The following RPL3 variants were observed in gnomAD, a reference collection of about 807,000 sequenced individuals.
RPL3 encodes the protein large ribosomal subunit protein uL3.
In RPL3, 3 loss-of-function variants were observed where a neutral mutation model predicts 46.0. The observed-to-expected ratio is 0.07, with a 90% CI of 0.03 to 0.17. The LOEUF is 0.17. Among genes scored for constraint, RPL3 ranks in the 10% least tolerant of loss-of-function variants. RPL3 has a pLI of 1.00. For missense variants in RPL3, 387 were observed against 532.7 expected, an observed-to-expected ratio of 0.73 and a Z score of 2.69; for synonymous variants, 224 against 190.8, an observed-to-expected ratio of 1.17 and a Z score of -1.43.
At chr22:39,313,112 C>T in intron 9 of RPL3, 79 bp downstream of exon 9, 1 of 1,598,144 alleles carries the variant, frequency 6.3e-7, no homozygotes, top group Non-Finnish European at 8.5e-7. Flanking sequence ...TCAAGACCAC[C>T]CCTACCCCGG....
At chr22:39,318,933 G>C in intron 1 of RPL3, 1 of 502,786 alleles carries the variant, frequency 2.0e-6, no homozygotes, top group South Asian at 1.5e-5. Context: ...GACCGCTAAA[G>C]AAAGGGACTC....
At chr22:39,314,652 T>TCCCACC (rs1922564849) in intron 6 of RPL3, 34 bp downstream of exon 6, 4 of 1,591,716 alleles carry the variant, frequency 2.5e-6, no homozygotes, top group Non-Finnish European at 3.4e-6. Flanking sequence ...GGGGGCCTCT[T>TCCCACC]CCCACCCCCA....
intron 6 of RPL3, 197 bp downstream of exon 6, chr22:39,314,488 GC>G: frequency 3.0e-6 from 2 of 666,138 alleles, no homozygotes. Context: ...ACACCAGTCA[GC>G]CCCACCACAG....
intron 7 of RPL3, 72 bp from the exon 8 acceptor site, chr22:39,313,801 G>A (rs749273477): frequency 7.3e-7 from 1 of 1,365,640 alleles, no homozygotes; most frequent in Non-Finnish European, 1.0e-6. Flanking sequence ...CCAGGTTCAG[G>A]CCCTCCCTGA....
intron 5 of RPL3, 120 bp downstream of exon 5, chr22:39,315,249 A>T: frequency 1.5e-6 from 2 of 1,354,854 alleles, no homozygotes; most frequent in Non-Finnish European, 2.1e-6. Flanking sequence ...GAATGGTTCT[A>T]CACTGTCCGA....
chr22:39,315,376 G>A lies in RPL3; in HGVS notation c.681C>T (p.Gly227=), dbSNP rs754121421. Reference sequence around the variant, plus strand: ...AGCCACCGCAAAGCTCACCTTTGTAGCCTTTGCCCTTGGTCACCCCGATGA... The same window carrying A: ...AGCCACCGCAAAGCTCACCTTTGTAACCTTTGCCCTTGGTCACCCCGATGA... ...IDVIGVTKGK[G]YKGVTSRWHT... is the part of the protein sequence containing the mutation. The change falls in exon 5 of 10, where the codon GGC becomes GGT. Residue 227 remains glycine, a synonymous_variant. Coordinates refer to ENST00000216146, the MANE Select transcript of RPL3 (RefSeq NM_000967.4). 7 of 1,614,046 alleles carry A rather than the reference G, an allele frequency of 4.3e-6. No individual in the cohort carries two copies. Among genetic ancestry groups the A allele is most frequent in the Non-Finnish European group, 5.9e-6 (7 of 1,180,034 alleles).
At chr22:39,318,980 G>C (rs753055259) in intron 1 of RPL3, 5 of 539,778 alleles carry the variant, frequency 9.3e-6, no homozygotes, top group East Asian at 1.1e-4. Context: ...GCAATGTTAA[G>C]CTATAGGCTG....
chr22:39,316,683 C>T lies in RPL3; in HGVS notation c.501+23G>A, dbSNP rs1922713868. 4 of 1,611,760 alleles carry T rather than the reference C, an allele frequency of 2.5e-6. No individual in the cohort carries two copies. The Admixed American group carries it at 5.0e-5, about 20-fold the overall frequency. On this transcript the variant is annotated intron_variant, in intron 4 of 9. Coordinates refer to ENST00000216146, the MANE Select transcript of RPL3 (RefSeq NM_000967.4). ...CACTTCTACTAAGTGGCAGGCCAAG[C>T]CACCCCGGGGCACTGGGCTCACCTG...
intron 2 of RPL3, 100 bp downstream of exon 2, chr22:39,318,300 A>C: frequency 7.7e-7 from 1 of 1,290,480 alleles, no homozygotes; most frequent in East Asian, 2.4e-5. Context: ...CTCCTGCTTA[A>C]AAAAAAAAGT....
chr22:39,314,540 C>G lies in RPL3; in HGVS notation c.849+146G>C, dbSNP rs550940515. ...GCACCTTACAAATCATCAAGATGGGCCAGAACTGACCATGAGAAGCAAGCC... is the reference window on the plus strand; with the variant it reads ...GCACCTTACAAATCATCAAGATGGGGCAGAACTGACCATGAGAAGCAAGCC... On this transcript the variant is annotated intron_variant, in intron 6 of 9. Coordinates refer to ENST00000216146, the MANE Select transcript of RPL3 (RefSeq NM_000967.4). 61 of 995,192 alleles carry G rather than the reference C, an allele frequency of 6.1e-5. No homozygotes were observed. The African/African-American group carries it at 8.6e-4, about 14-fold the overall frequency. 61.6% of individuals were successfully genotyped at this position (995,192 alleles called of 1,614,324 possible). A position where few individuals can be genotyped will look rare whatever the true frequency, so the allele number is the denominator to read the frequency against.
chr22:39,316,250 A>AAG (rs1922683260), intron 4 of RPL3, among the ~76,000 whole-genome samples: 2 of 151,612 alleles, frequency 1.3e-5, no homozygotes, highest in Non-Finnish European at 2.9e-5. Flanking sequence ...TAAAAAAAAA[A>AAG]AAATGCATTT....
At chr22:39,314,559 G>T in intron 6 of RPL3, 127 bp downstream of exon 6, 1 of 1,153,096 alleles carries the variant, frequency 8.7e-7, no homozygotes, top group South Asian at 1.5e-5. Context: ...ACCATGAGAA[G>T]CAAGCCACTG....
At chr22:39,313,533 C>G (rs1160247309) in intron 8 of RPL3, 101 bp downstream of exon 8, 5 of 1,298,238 alleles carry the variant, frequency 3.9e-6, no homozygotes, top group Non-Finnish European at 5.4e-6. Flanking sequence ...TGCCAACACC[C>G]TCTCCTTCCT....
rs971830648 is a variant in RPL3, at chr22:39,318,895, A to G, written c.4-303T>C. ...TGGCACTAAAAACTGCTTAACAGGC[A>G]GCTTTATATGCCAATTAGCAAGGTT... On this transcript the variant is annotated intron_variant, in intron 1 of 9. Coordinates refer to ENST00000216146, the MANE Select transcript of RPL3 (RefSeq NM_000967.4). 5 of 454,446 alleles carry G rather than the reference A, an allele frequency of 1.1e-5. No homozygotes were observed. In the East Asian group the frequency reaches 2.7e-4, roughly 24 times the overall value. 28.2% of individuals were successfully genotyped at this position (454,446 alleles called of 1,614,324 possible). A position where few individuals can be genotyped will look rare whatever the true frequency, so the allele number is the denominator to read the frequency against.
Position 39,315,567 on chromosome 22 carries a change from T to C in RPL3, c.502-12A>G, listed in dbSNP as rs371374180. 2.6e-5 allele frequency: 42 copies of C among 1,613,384 alleles called. No individual in the cohort carries two copies. In the African/African-American group the frequency reaches 2.9e-4, roughly 11 times the overall value. On this transcript the variant is annotated splice_polypyrimidine_tract_variant and intron_variant, in intron 4 of 9. Coordinates refer to ENST00000216146, the MANE Select transcript of RPL3 (RefSeq NM_000967.4). The stretch of plus-strand genomic sequence containing the variant: ...GGAAGCAGGCGCATCTAGGAGAAGG[T>C]AGACACAGCTCAGCTCCAGCTGCCA...
chr22:39,313,123 C>T, intron 9 of RPL3, 68 bp downstream of exon 9: 1 of 1,598,202 alleles, frequency 6.3e-7, no homozygotes, highest in Non-Finnish European at 8.5e-7. Flanking sequence ...CCTACCCCGG[C>T]TGGAGCCAAA....
chr22:39,315,662 C>A, intron 4 of RPL3, 107 bp from the exon 5 acceptor site: 1 of 1,334,884 alleles, frequency 7.5e-7, no homozygotes, highest in Non-Finnish European at 1.0e-6. Context: ...CGGCAAAAAG[C>A]CAGTAACTCT....
chr22:39,313,345 G>C lies in RPL3; in HGVS notation c.1048-35C>G, dbSNP rs775404698. On this transcript the variant is annotated intron_variant, in intron 8 of 9. Transcript: ENST00000216146. ...AAGAGGGGAAGGGATTTAGGATTAC[G>C]AGGAGCCAGGCTTTCCTCAGCACTG... 3.1e-6 allele frequency: 5 copies of C among 1,612,844 alleles called. No homozygotes were observed. In the African/African-American group the frequency reaches 5.3e-5, roughly 17 times the overall value.
At position 39,318,704 on chromosome 22, in the gene RPL3, C is replaced by A. The variant is rs1034305561; in HGVS notation, c.4-112G>T. The A allele has an allele frequency of 9.2e-6, 8 of 873,428 alleles. No individual in the cohort carries two copies. The African/African-American group carries it at 1.4e-4, about 15-fold the overall frequency. 54.1% of individuals were successfully genotyped at this position (873,428 alleles called of 1,614,324 possible). ...GCAATACTGAAGAATCCTGACCAGA[C>A]ACCCAGCAAGCCGAATAAAAAGGTC... On this transcript the variant is annotated intron_variant, in intron 1 of 9. Transcript: ENST00000216146.
Sources: allele counts gnomAD v4.1 joint callset (sites outside exome capture counted in the v4.1 genomes callset), GRCh38; gene constraint gnomAD v4.1.1; transcripts MANE v1.5; gene names NCBI Gene and HGNC (gene_info 2026-07-23, HGNC 2026-07-21).